The following PCDHGB1 variants were observed in gnomAD, a reference collection of about 807,000 sequenced individuals.
PCDHGB1 encodes protocadherin gamma subfamily B, 1, also known as protocadherin gamma-B1.
PCDHGB1 carries 34 observed loss-of-function variants against 56.6 expected under a neutral mutation model. That is an observed-to-expected ratio of 0.60 (90% confidence interval 0.46 to 0.80). PCDHGB1 has a LOEUF of 0.80. Ranked by LOEUF, PCDHGB1 falls within the 30% of genes least tolerant of loss-of-function variation. PCDHGB1 has a pLI of 0.00. For missense variants in PCDHGB1, 1,278 were observed against 1,204.6 expected, an observed-to-expected ratio of 1.06 and a Z score of -0.90; for synonymous variants, 561 against 505.9, an observed-to-expected ratio of 1.11 and a Z score of -1.46.
At chr5:141,361,813 C>T in intron 1 of PCDHGB1, 1 of 1,613,122 alleles carries the variant, frequency 6.2e-7, no homozygotes, top group Non-Finnish European at 8.5e-7. Context: ...TGACAATGCG[C>T]CACGGGTGCT....
intron 1 of PCDHGB1, among the ~76,000 whole-genome samples, chr5:141,459,721 T>C (rs2098973915): frequency 6.6e-6 from 1 of 152,246 alleles, no homozygotes. Context: ...CAATGCTTCC[T>C]ATTGTCAATT....
chr5:141,422,678 A>G, intron 1 of PCDHGB1: 1 of 1,606,250 alleles, frequency 6.2e-7, no homozygotes, highest in Non-Finnish European at 8.5e-7. Flanking sequence ...GACAGCAAAC[A>G]GAATGCCCTG....
chr5:141,422,355 T>A, intron 1 of PCDHGB1: 1 of 1,557,416 alleles, frequency 6.4e-7, no homozygotes, highest in Non-Finnish European at 8.6e-7. Flanking sequence ...AAGATCAAGA[T>A]TCTGGAGAAA....
chr5:141,464,578 A>G (rs2099086989), intron 1 of PCDHGB1, among the ~76,000 whole-genome samples: 1 of 152,164 alleles, frequency 6.6e-6, no homozygotes, highest in Non-Finnish European at 1.5e-5. Flanking sequence ...ATAGATGAGA[A>G]TGTCCATTGT....
intron 2 of PCDHGB1, among the ~76,000 whole-genome samples, chr5:141,501,821 G>A (rs910825533): frequency 1.3e-5 from 2 of 152,028 alleles, no homozygotes; most frequent in Non-Finnish European, 2.9e-5. Context: ...ATAATTGGCA[G>A]CCCACCCACC....
At chr5:141,366,497 C>G in intron 1 of PCDHGB1, 1 of 1,614,254 alleles carries the variant, frequency 6.2e-7, no homozygotes, top group South Asian at 1.1e-5. Context: ...GCACAAGTCA[C>G]GCCTGCTTCA....
chr5:141,422,477 A>G (rs1230502545), intron 1 of PCDHGB1: 2 of 1,613,904 alleles, frequency 1.2e-6, no homozygotes, highest in Admixed American at 1.7e-5. Flanking sequence ...GAGTTGGTCC[A>G]GAGCTACAAT....
intron 1 of PCDHGB1, chr5:141,365,417 G>C: frequency 6.2e-7 from 1 of 1,613,940 alleles, no homozygotes; most frequent in South Asian, 1.1e-5. Context: ...CTGTCTTCCC[G>C]GAACTGTAAT....
intron 2 of PCDHGB1, among the ~76,000 whole-genome samples, chr5:141,502,834 A>G (rs1398558120): frequency 6.7e-6 from 1 of 149,378 alleles, no homozygotes; most frequent in Non-Finnish European, 1.5e-5. Flanking sequence ...GGAAGCCTGG[A>G]CTGGCTGAGC....
chr5:141,399,405 G>A (rs768053678), intron 1 of PCDHGB1: 1 of 1,613,974 alleles, frequency 6.2e-7, no homozygotes, highest in Admixed American at 1.7e-5. Flanking sequence ...GGGGCAAGCC[G>A]CCCCTCTCCT....
intron 1 of PCDHGB1, chr5:141,427,985 C>T (rs747784722): frequency 3.1e-6 from 5 of 1,597,522 alleles, no homozygotes; most frequent in African/African-American, 2.7e-5. Context: ...CGCTGGGGCC[C>T]GATGGCTCCG....
chr5:141,417,940 C>T (rs757819377), intron 1 of PCDHGB1: 2 of 1,613,054 alleles, frequency 1.2e-6, no homozygotes, highest in South Asian at 1.1e-5. Context: ...TGTTCTACCC[C>T]ACGCTGTGTG....
chr5:141,383,987 G>T, intron 1 of PCDHGB1: 6 of 1,613,730 alleles, frequency 3.7e-6, no homozygotes, highest in Non-Finnish European at 5.1e-6. Flanking sequence ...ACACCTCTTG[G>T]GACAGTCATT....
chr5:141,375,490 C>T (rs752487734), intron 1 of PCDHGB1: 1 of 1,614,012 alleles, frequency 6.2e-7, no homozygotes, highest in East Asian at 2.2e-5. Context: ...CCAGGGGTGC[C>T]TCCATCTTCT....
At chr5:141,482,570 C>A (rs2099568543) in intron 1 of PCDHGB1, among the ~76,000 whole-genome samples, 1 of 144,954 alleles carries the variant, frequency 6.9e-6, no homozygotes, top group African/African-American at 2.6e-5. Context: ...ATCTGCATAG[C>A]ATAAGATGCA....
intron 1 of PCDHGB1, chr5:141,390,100 C>A (rs2092045935): frequency 1.2e-6 from 2 of 1,614,060 alleles, no homozygotes; most frequent in Non-Finnish European, 1.7e-6. Context: ...GTGGTTCCCC[C>A]CAACTACAGC....
At chr5:141,437,345 A>T (rs1018513998) in intron 1 of PCDHGB1, among the ~76,000 whole-genome samples, 2 of 152,252 alleles carry the variant, frequency 1.3e-5, no homozygotes, top group Non-Finnish European at 2.9e-5. Context: ...TCACTGTTTT[A>T]TAGTACCTAA....
In PCDHGB1 at chr5:141,434,333, G is replaced by A. The variant is rs200059384; in HGVS notation, c.2410-60474G>A. On this transcript the variant is annotated intron_variant, in intron 1 of 3. Coordinates refer to ENST00000523390, the MANE Select transcript of PCDHGB1 (RefSeq NM_018922.3). The stretch of plus-strand genomic sequence containing the variant: ...TCTTCCTCTTGCTGCTTGTCTCTTT[G>A]TGTCGGGAACAGGCCCCCCAAAATC... Among the ~76,000 whole-genome samples, 23 of 152,220 alleles carry A rather than the reference G, an allele frequency of 1.5e-4. No individual in the cohort carries two copies. In the East Asian group the frequency reaches 4.3e-3, roughly 28 times the overall value.
Position 141,490,387 on chromosome 5 carries a change from G to C in PCDHGB1, c.2410-4420G>C. 2 of 1,614,196 alleles carry C rather than the reference G, an allele frequency of 1.2e-6. No individual in the cohort carries two copies. The highest frequency in any genetic ancestry group is 1.7e-6 in the Non-Finnish European group (2 of 1,180,034). On this transcript the variant is annotated intron_variant, in intron 1 of 3. Transcript: ENST00000523390. This position sits in a 1 kb window ranked among gnomAD's most constrained non-coding sequence, Gnocchi z 5.4. ...GCGAGACCGGGACTCAGGTAGAAATGGTGAAGTGAGCCTTGATATCTCTCC... is the reference window on the plus strand; with the variant it reads ...GCGAGACCGGGACTCAGGTAGAAATCGTGAAGTGAGCCTTGATATCTCTCC...
Sources: gnomAD v4.1 joint callset for allele counts (sites outside exome capture counted in the v4.1 genomes callset) on GRCh38, gnomAD v4.1.1 for gene constraint, Gnocchi (gnomAD v3.1) non-coding constraint, MANE v1.5 for transcripts, NCBI Gene and HGNC (gene_info 2026-07-23, HGNC 2026-07-21) for gene names.